AKAP19: variants seen among roughly 807,000 people sequenced by gnomAD.
AKAP19 encodes small A-kinase anchoring protein.
chr2:190,079,051 C>T, the AKAP19 span, among the ~76,000 whole-genome samples: 5 of 152,072 alleles, frequency 3.3e-5, no homozygotes, highest in Admixed American at 2.0e-4. Flanking sequence ...ATATTTCATC[C>T]AGCTCTCTGA....
the AKAP19 span, among the ~76,000 whole-genome samples, chr2:189,967,856 A>C: frequency 7.3e-6 from 1 of 136,178 alleles, no homozygotes; most frequent in African/African-American, 3.2e-5. Context: ...TTTGAAATTA[A>C]AAAAAAAAAA....
the AKAP19 span, among the ~76,000 whole-genome samples, chr2:190,031,866 T>G: frequency 2.9e-4 from 44 of 152,320 alleles, 1 homozygote; most frequent in South Asian, 9.1e-3. Flanking sequence ...AAAAAATTTC[T>G]GAATATGTCT....
the AKAP19 span, among the ~76,000 whole-genome samples, chr2:190,046,722 G>A: frequency 2.0e-5 from 3 of 152,164 alleles, no homozygotes; most frequent in African/African-American, 7.2e-5. Flanking sequence ...ATATCAAATT[G>A]CAGTTGTTGC....
At chr2:190,097,321 A>C in the AKAP19 span, among the ~76,000 whole-genome samples, 1 of 151,972 alleles carries the variant, frequency 6.6e-6, no homozygotes, top group African/African-American at 2.4e-5. Context: ...GAGAACATAC[A>C]GTGTTTGTTT....
the AKAP19 span, among the ~76,000 whole-genome samples, chr2:190,148,491 G>T: frequency 6.6e-6 from 1 of 152,104 alleles, no homozygotes; most frequent in Non-Finnish European, 1.5e-5. Context: ...TCCTTTCCTG[G>T]TTTTGGTATT....
chr2:190,008,771 C>CA, the AKAP19 span, among the ~76,000 whole-genome samples: 2,024 of 32,258 alleles, frequency 0.063, 19 homozygotes, highest in Non-Finnish European at 0.15. Flanking sequence ...CACACACACA[C>CA]CCACCTGGTC....
chr2:190,055,392 C>A, the AKAP19 span, among the ~76,000 whole-genome samples: 1 of 151,958 alleles, frequency 6.6e-6, no homozygotes, highest in Non-Finnish European at 1.5e-5. Flanking sequence ...TGACAAGTTA[C>A]TCGGTGCAGC....
chr2:190,133,339 C>A, the AKAP19 span, among the ~76,000 whole-genome samples: 4 of 150,662 alleles, frequency 2.7e-5, no homozygotes, highest in East Asian at 7.8e-4. Flanking sequence ...AAAAAACATG[C>A]TCAACATCAT....
the AKAP19 span, among the ~76,000 whole-genome samples, chr2:189,936,314 C>T: frequency 3.3e-5 from 5 of 151,824 alleles, no homozygotes; most frequent in South Asian, 6.2e-4. Flanking sequence ...TTCACATATG[C>T]AGTGCATTAT....
At chr2:189,909,054 A>G in the AKAP19 span, among the ~76,000 whole-genome samples, 1 of 152,110 alleles carries the variant, frequency 6.6e-6, no homozygotes, top group Non-Finnish European at 1.5e-5. Context: ...GGGTGCATGT[A>G]TATTTACAGT....
chr2:190,097,858 C>G, the AKAP19 span, among the ~76,000 whole-genome samples: 1 of 23,406 alleles, frequency 4.3e-5, no homozygotes, highest in Non-Finnish European at 7.5e-5. Flanking sequence ...CTGGTTTCTA[C>G]CAAAAAAAAA....
At chr2:190,037,887 G>A in the AKAP19 span, among the ~76,000 whole-genome samples, 4 of 152,122 alleles carry the variant, frequency 2.6e-5, no homozygotes, top group African/African-American at 7.2e-5. Flanking sequence ...TCAAAGTTAC[G>A]TGTTTTTACA....
the AKAP19 span, among the ~76,000 whole-genome samples, chr2:190,033,256 A>G: frequency 6.6e-6 from 1 of 152,212 alleles, no homozygotes; most frequent in Non-Finnish European, 1.5e-5. Context: ...CAGCAAGAAC[A>G]TAATTGTGCT....
the AKAP19 span, among the ~76,000 whole-genome samples, chr2:190,032,697 A>C: frequency 5.9e-5 from 9 of 151,682 alleles, no homozygotes; most frequent in Non-Finnish European, 8.8e-5. Context: ...GGCTCCCCTT[A>C]TTATAACATC....
the AKAP19 span, among the ~76,000 whole-genome samples, chr2:189,901,680 T>C: frequency 6.6e-6 from 1 of 152,202 alleles, no homozygotes; most frequent in Non-Finnish European, 1.5e-5. Context: ...GAAATTCATT[T>C]GGTATAAGAA....
the AKAP19 span, among the ~76,000 whole-genome samples, chr2:189,914,975 G>A: frequency 6.6e-6 from 1 of 152,046 alleles, no homozygotes; most frequent in African/African-American, 2.4e-5. Flanking sequence ...ACATTATACT[G>A]AGGGGAAATT....
chr2:189,957,204 A>G, the AKAP19 span, among the ~76,000 whole-genome samples: 1 of 152,164 alleles, frequency 6.6e-6, no homozygotes, highest in African/African-American at 2.4e-5. Flanking sequence ...AAAGTAATCC[A>G]TGCTCACGAT....
At chr2:190,180,388 C>T in the AKAP19 span, 2 of 845,572 alleles carry the variant, frequency 2.4e-6, no homozygotes, top group Non-Finnish European at 2.8e-6. This position sits in a 1 kb window ranked among gnomAD's most constrained non-coding sequence, Gnocchi z 6.8. Context: ...TGGAGGGCAG[C>T]GCCCCCTCTC....
chr2:190,049,285 A>G, the AKAP19 span, among the ~76,000 whole-genome samples: 3 of 152,200 alleles, frequency 2.0e-5, no homozygotes, highest in East Asian at 3.8e-4. Context: ...AGCAATCCTT[A>G]CTTAAATAAG....
Sources: allele counts gnomAD v4.1 joint callset (sites outside exome capture counted in the v4.1 genomes callset), GRCh38; gene constraint gnomAD v4.1.1; non-coding constraint Gnocchi (gnomAD v3.1); transcripts MANE v1.5; gene names NCBI Gene and HGNC (gene_info 2026-07-23, HGNC 2026-07-21).